PTCHD4: variants seen among roughly 807,000 people sequenced by gnomAD.
PTCHD4 encodes the protein patched domain-containing protein 4.
Under a neutral mutation model 58.1 loss-of-function variants are expected in PTCHD4, and 33 were observed. The ratio of observed to expected loss-of-function variants is 0.57; its 90% confidence interval spans 0.43 to 0.76. PTCHD4 has a LOEUF of 0.76. PTCHD4 is among the 30% of genes least tolerant of loss of function. The pLI, the probability that PTCHD4 is intolerant of heterozygous loss-of-function variation, is 0.00. For missense variants in PTCHD4, 1,058 were observed against 1,027.1 expected, an observed-to-expected ratio of 1.03 and a Z score of -0.41; for synonymous variants, 478 against 409.6, an observed-to-expected ratio of 1.17 and a Z score of -2.02.
chr6:48,096,994 A>AT (rs1312666579), intron 1 of PTCHD4, among the ~76,000 whole-genome samples: 1 of 152,170 alleles, frequency 6.6e-6, no homozygotes, highest in Non-Finnish European at 1.5e-5. Flanking sequence ...TGTTAAAATA[A>AT]TTTTTGCAAT....
At position 47,879,513 on chromosome 6, in the gene PTCHD4, T is replaced by C. The variant is rs376627508; in HGVS notation, c.1322A>G (p.His441Arg). Residue 441 changes from histidine (H) to arginine (R), a missense_variant, in exon 5 of 5, where the codon CAC becomes CGC. His to Arg is a conservative substitution (Grantham distance 29, BLOSUM62 0). Transcript: ENST00000339488. ...TTCACGGAGGAAGTGCTGAATGAAGTGGTGCTGGTAGGGGTTCGTCTCATG... is the reference window on the plus strand; with the variant it reads ...TTCACGGAGGAAGTGCTGAATGAAGCGGTGCTGGTAGGGGTTCGTCTCATG... ...SHHETNPYQH[H>R]FIQHFLREHY... 1.6e-5 allele frequency: 26 copies of C among 1,613,670 alleles called. No individual in the cohort carries two copies. Among genetic ancestry groups the C allele is most frequent in the Non-Finnish European group, 2.0e-5 (24 of 1,179,808 alleles).
At chr6:48,024,720 A>T (rs1375006381) in intron 3 of PTCHD4, among the ~76,000 whole-genome samples, 1 of 152,122 alleles carries the variant, frequency 6.6e-6, no homozygotes, top group Non-Finnish European at 1.5e-5. Flanking sequence ...TCCATAGTGG[A>T]AAGAGTGCCT....
At chr6:48,014,437 G>A (rs536951347) in intron 3 of PTCHD4, among the ~76,000 whole-genome samples, 1 of 152,252 alleles carries the variant, frequency 6.6e-6, no homozygotes, top group Admixed American at 6.5e-5. Context: ...ATGACTACAA[G>A]TAATAATGAA....
At chr6:47,903,713 G>T (rs1392932266) in intron 4 of PTCHD4, among the ~76,000 whole-genome samples, 1 of 152,200 alleles carries the variant, frequency 6.6e-6, no homozygotes, top group African/African-American at 2.4e-5. Context: ...TCAAGGCAGA[G>T]CAAGTCCCTT....
At chr6:47,976,191 C>G (rs2113999116) in intron 4 of PTCHD4, among the ~76,000 whole-genome samples, 1 of 152,254 alleles carries the variant, frequency 6.6e-6, no homozygotes, top group East Asian at 1.9e-4. Context: ...CCCTGTCTGT[C>G]TTTCAAGAAT....
In PTCHD4 at chr6:47,879,171, A is replaced by T. The variant is rs775348786; in HGVS notation, c.1664T>A (p.Leu555Gln). The T allele has an allele frequency of 6.2e-7, 1 of 1,612,038 alleles. No individual in the cohort carries two copies. The highest frequency in any genetic ancestry group is 8.5e-7 in the Non-Finnish European group (1 of 1,179,712). ...VSWVEQYYQF[L>Q]KVSNVSANNK... ...ATTGGCACTGACGTTGCTGACTTTCAGGAACTGGTAGTACTGCTCCACCCA... is the reference window on the plus strand; with the variant it reads ...ATTGGCACTGACGTTGCTGACTTTCTGGAACTGGTAGTACTGCTCCACCCA... Residue 555 changes from leucine (L) to glutamine (Q), a missense_variant, in exon 5 of 5, where the codon CTG (leucine) becomes CAG (glutamine). By Grantham distance (113) the Leu-to-Gln change is moderately radical (BLOSUM62 -2). Coordinates refer to ENST00000339488, the MANE Select transcript of PTCHD4 (RefSeq NM_001384253.1).
intron 4 of PTCHD4, among the ~76,000 whole-genome samples, chr6:47,889,372 T>G (rs968338759): frequency 1.4e-5 from 2 of 145,542 alleles, no homozygotes; most frequent in African/African-American, 5.1e-5. Context: ...AGATGGTATC[T>G]CATTGTGGTT....
chr6:47,981,614 G>T (rs572869704), intron 4 of PTCHD4, among the ~76,000 whole-genome samples: 1 of 152,230 alleles, frequency 6.6e-6, no homozygotes, highest in South Asian at 2.1e-4. Context: ...AATTTTGTGT[G>T]CTAGTGCCTC....
chr6:48,048,532 A>C lies in PTCHD4; in HGVS notation c.417+19698T>G, dbSNP rs749874105. On this transcript the variant is annotated intron_variant, in intron 3 of 4. Coordinates refer to ENST00000339488, the MANE Select transcript of PTCHD4 (RefSeq NM_001384253.1). ...AAATGGGGAAAAATCAAGTTAGCAAATAACATTTTTTCTACAGCTTCCCCT... is the reference window on the plus strand; with the variant it reads ...AAATGGGGAAAAATCAAGTTAGCAACTAACATTTTTTCTACAGCTTCCCCT... Among the ~76,000 whole-genome samples the C allele has an allele frequency of 3.4e-4, 51 of 152,022 alleles. 1 individual carries two copies. Among genetic ancestry groups the C allele is most frequent in the Admixed American group, 5.9e-4 (9 of 15,228 alleles).
intron 1 of PTCHD4, among the ~76,000 whole-genome samples, 188 bp downstream of exon 1, chr6:48,110,861 T>C (rs1765860672): frequency 1.3e-5 from 2 of 149,950 alleles, no homozygotes; most frequent in African/African-American, 4.9e-5. Context: ...CTTGTCTTTT[T>C]ACTTTACTTA....
chr6:48,058,723 A>G (rs1025154452), intron 3 of PTCHD4, among the ~76,000 whole-genome samples: 2 of 152,320 alleles, frequency 1.3e-5, no homozygotes, highest in Non-Finnish European at 1.5e-5. Flanking sequence ...ACAATCTTGA[A>G]AATACTTTCA....
rs542726855 is a variant in PTCHD4 at position 48,108,035 on chromosome 6, C to T, written c.-970+3014G>A. Among the ~76,000 whole-genome samples the T allele has an allele frequency of 5.7e-3, 871 of 152,196 alleles. 8 individuals carry two copies. Among genetic ancestry groups the T allele is most frequent in the African/African-American group, 0.019 (790 of 41,548 alleles). On this transcript the variant is annotated intron_variant, in intron 1 of 4. Transcript: ENST00000339488. ...AAACTAGTTCAACCATTGTGGAAGT[C>T]AGTGTGGCGATTCCTCAGGGATCTA... is the stretch of plus-strand genomic sequence containing the variant.
At chr6:48,002,040 C>T (rs1299003042) in intron 4 of PTCHD4, among the ~76,000 whole-genome samples, 1 of 152,250 alleles carries the variant, frequency 6.6e-6, no homozygotes, top group African/African-American at 2.4e-5. Context: ...CAGAGAAATG[C>T]AAATCAAAAA....
chr6:47,940,508 A>G (rs557775587), intron 4 of PTCHD4, among the ~76,000 whole-genome samples: 2 of 152,332 alleles, frequency 1.3e-5, no homozygotes, highest in African/African-American at 4.8e-5. Context: ...ATTCAGCTGA[A>G]TATTTTTTAA....
In PTCHD4 at chr6:47,873,552, A is replaced by G. The variant is rs1763772606; in HGVS notation, c.*4751T>C. ...GTCCCTCCCCTGCTGGATCTCATGC[A>G]GTGTGGCTTTGTTGCTTTCACTTAT... is the stretch of plus-strand genomic sequence containing the variant. On this transcript the variant is annotated 3_prime_UTR_variant, in exon 5 of 5. Coordinates refer to ENST00000339488, the MANE Select transcript of PTCHD4 (RefSeq NM_001384253.1). Among the ~76,000 whole-genome samples the G allele has an allele frequency of 6.6e-6, 1 of 151,754 alleles. No homozygotes were observed.
intron 1 of PTCHD4, among the ~76,000 whole-genome samples, chr6:48,098,925 C>T (rs1322268808): frequency 6.6e-6 from 1 of 152,072 alleles, no homozygotes; most frequent in African/African-American, 2.4e-5. Context: ...GCTCCATACA[C>T]AGCATATTGT....
At chr6:47,940,732 T>C (rs1033830465) in intron 4 of PTCHD4, among the ~76,000 whole-genome samples, 1 of 152,186 alleles carries the variant, frequency 6.6e-6, no homozygotes, top group Non-Finnish European at 1.5e-5. Context: ...GTATAAGATA[T>C]GGGAAAAACC....
At chr6:47,946,476 T>C (rs1766423350) in intron 4 of PTCHD4, among the ~76,000 whole-genome samples, 1 of 152,160 alleles carries the variant, frequency 6.6e-6, no homozygotes, top group East Asian at 1.9e-4. Flanking sequence ...TGCCTTGATG[T>C]CTTTTGTTCC....
At chr6:48,032,494 T>G (rs565701026) in intron 3 of PTCHD4, among the ~76,000 whole-genome samples, 6 of 152,086 alleles carry the variant, frequency 3.9e-5, no homozygotes, top group Admixed American at 3.9e-4. Context: ...TCCAAAATTC[T>G]AACTTAATAT....
Sources: gnomAD v4.1 joint callset for allele counts (sites outside exome capture counted in the v4.1 genomes callset) on GRCh38, gnomAD v4.1.1 for gene constraint, MANE v1.5 for transcripts, NCBI Gene and HGNC (gene_info 2026-07-23, HGNC 2026-07-21) for gene names.